Variants in BDH1 observed in about 807,000 individuals in gnomAD.
BDH1 encodes the protein 3-hydroxybutyrate dehydrogenase 1.
Under a neutral mutation model 33.1 loss-of-function variants are expected in BDH1, and 30 were observed. The observed-to-expected ratio is 0.91, with a 90% CI of 0.68 to 1.23. BDH1 has a LOEUF of 1.23. Among genes scored for constraint, BDH1 ranks in the 50% most tolerant of loss-of-function variants. BDH1 has a pLI of 0.00. For missense variants in BDH1, 443 were observed against 464.4 expected (o/e 0.95, Z 0.42); for synonymous variants, 190 against 183.6 (o/e 1.03, Z -0.28).
chr3:197,572,226 T>A (rs1297410453), intron 1 of BDH1, among the ~76,000 whole-genome samples: 4 of 152,096 alleles, frequency 2.6e-5, no homozygotes, highest in Non-Finnish European at 4.4e-5. Flanking sequence ...CTAAAGGAAC[T>A]CCCCAAAACC....
In BDH1 at chr3:197,521,053, G is replaced by A. The variant is rs777827214; in HGVS notation, c.409+1587C>T. Reference sequence around the variant, plus strand: ...CAGCACATCCATCTGGCTGATACAGGCTCAGCAGAGCTCCCCGCATGGGAT... The same window carrying A: ...CAGCACATCCATCTGGCTGATACAGACTCAGCAGAGCTCCCCGCATGGGAT... On this transcript the variant is annotated intron_variant, in intron 6 of 7. Transcript: ENST00000392379. This position sits in a 1 kb window ranked among gnomAD's most constrained non-coding sequence, Gnocchi z 4.9. Among the ~76,000 whole-genome samples the A allele has an allele frequency of 6.6e-6, 1 of 152,102 alleles. No individual in the cohort carries two copies. Among genetic ancestry groups the A allele is most frequent in the Non-Finnish European group, 1.5e-5 (1 of 68,006 alleles).
chr3:197,539,687 A>C (rs961485020), intron 3 of BDH1, among the ~76,000 whole-genome samples: 1 of 152,232 alleles, frequency 6.6e-6, no homozygotes, highest in African/African-American at 2.4e-5. Flanking sequence ...ACCCAGGTGG[A>C]CAAACTGGCT....
At chr3:197,517,447 C>G (rs1712893736) in intron 6 of BDH1, among the ~76,000 whole-genome samples, 1 of 82,762 alleles carries the variant, frequency 1.2e-5, no homozygotes. Context: ...GTCTCCATCC[C>G]CCCTCAGGCC....
At chr3:197,512,672 G>T (rs1425897333) in intron 7 of BDH1, among the ~76,000 whole-genome samples, 1 of 152,238 alleles carries the variant, frequency 6.6e-6, no homozygotes, top group Non-Finnish European at 1.5e-5. Context: ...ATAATTTGGG[G>T]TGAAAACACG....
In BDH1 at chr3:197,521,996, A is replaced by G. The variant is rs1434692678; in HGVS notation, c.409+644T>C. Among the ~76,000 whole-genome samples, 1 of 151,092 alleles carries G rather than the reference A, an allele frequency of 6.6e-6. No individual in the cohort carries two copies. The highest frequency in any genetic ancestry group is 1.5e-5 in the Non-Finnish European group (1 of 67,822). On this transcript the variant is annotated intron_variant, in intron 6 of 7. Coordinates refer to ENST00000392379, the MANE Select transcript of BDH1 (RefSeq NM_203314.3). The surrounding 1 kb of genome is among the most constrained non-coding windows in gnomAD (Gnocchi z 4.9). ...CTGGGATCCAAGACCTCCCTCCCCA[A>G]CCTCCTTTGCTGCCACCCCCTCTGC...
Position 197,514,411 on chromosome 3 carries a change from A to T in BDH1, c.415T>A (p.Trp139Arg), listed in dbSNP as rs994504255. The T allele has an allele frequency of 6.2e-7, 1 of 1,604,692 alleles. No homozygotes were observed. The highest frequency in any genetic ancestry group is 1.3e-5 in the African/African-American group (1 of 74,742). The change falls in exon 7 of 8, where the codon TGG (tryptophan) becomes AGG (arginine). Residue 139 changes from tryptophan to arginine, a missense_variant. Trp to Arg is a moderately radical substitution (Grantham distance 101). Transcript: ENST00000392379. This position sits in a 1 kb window ranked among gnomAD's most constrained non-coding sequence, Gnocchi z 4.2. ...ATGCCGGCATTGTTAACGAGGCCCC[A>T]CATGCCTGGACAGGAGAGGGATAGA... ...SSLKDPEKGMWGLVNNAGIST... is the reference protein window; with the variant it reads ...SSLKDPEKGMRGLVNNAGIST...
intron 2 of BDH1, among the ~76,000 whole-genome samples, chr3:197,547,691 A>G (rs1716198465): frequency 6.6e-6 from 1 of 152,262 alleles, no homozygotes; most frequent in Non-Finnish European, 1.5e-5. Context: ...CCGTGTTTAA[A>G]GCCAACTTTC....
intron 1 of BDH1, among the ~76,000 whole-genome samples, chr3:197,564,768 T>C (rs1023394349): frequency 1.3e-5 from 2 of 152,124 alleles, no homozygotes; most frequent in Non-Finnish European, 2.9e-5. Context: ...ATTAACAAGG[T>C]TTTTATGAAA....
At chr3:197,545,837 G>A (rs1716029987) in intron 3 of BDH1, among the ~76,000 whole-genome samples, 1 of 152,208 alleles carries the variant, frequency 6.6e-6, no homozygotes, top group African/African-American at 2.4e-5. Context: ...AATAAAAAGG[G>A]TTTTAAGAAG....
At chr3:197,529,089 A>G (rs919231871) in intron 5 of BDH1, 1 of 152,146 alleles carries the variant, frequency 6.6e-6, no homozygotes, top group African/African-American at 2.4e-5. Context: ...TGCCACACCC[A>G]TTCCCCAGAA....
At chr3:197,535,863 G>A (rs973449741) in intron 3 of BDH1, among the ~76,000 whole-genome samples, 1 of 151,940 alleles carries the variant, frequency 6.6e-6, no homozygotes, top group Non-Finnish European at 1.5e-5. Flanking sequence ...CGGGCAACAT[G>A]GCGAAACCCC....
chr3:197,559,939 G>A (rs757687329), upstream of BDH1, among the ~76,000 whole-genome samples: 10 of 152,212 alleles, frequency 6.6e-5, no homozygotes, highest in Non-Finnish European at 1.0e-4. Flanking sequence ...TCCCAACACT[G>A]CATGCACCAA....
At chr3:197,515,101 G>A (rs561129789) in intron 6 of BDH1, among the ~76,000 whole-genome samples, 3 of 152,352 alleles carry the variant, frequency 2.0e-5, no homozygotes, top group African/African-American at 7.2e-5. Context: ...TGGGAACTCG[G>A]CGCTGCTTTA....
At chr3:197,565,130 C>T (rs1717393672) in intron 1 of BDH1, among the ~76,000 whole-genome samples, 1 of 152,162 alleles carries the variant, frequency 6.6e-6, no homozygotes, top group African/African-American at 2.4e-5. Context: ...CCATGTTGGT[C>T]AGGCTGGTCT....
chr3:197,568,867 T>G (rs73214008), intron 1 of BDH1, among the ~76,000 whole-genome samples: 157 of 152,326 alleles, frequency 1.0e-3, no homozygotes, highest in Non-Finnish European at 1.7e-3. Context: ...ATCTCACTGA[T>G]TGTGCTATAT....
Position 197,516,710 on chromosome 3 carries a change from C to T in BDH1, c.410-2294G>A, listed in dbSNP as rs1176532318. Among the ~76,000 whole-genome samples the T allele has an allele frequency of 6.6e-6, 1 of 152,084 alleles. No individual in the cohort carries two copies. The highest frequency in any genetic ancestry group is 2.4e-5 in the African/African-American group (1 of 41,392). On this transcript the variant is annotated intron_variant, in intron 6 of 7. Coordinates refer to ENST00000392379, the MANE Select transcript of BDH1 (RefSeq NM_203314.3). This position sits in a 1 kb window ranked among gnomAD's most constrained non-coding sequence, Gnocchi z 4.2. ...AGTTTCCAAGCTGCCCAAGCCTGCTCCTCCTCTTTGTTAATGATTTTACTT... is the reference window on the plus strand; with the variant it reads ...AGTTTCCAAGCTGCCCAAGCCTGCTTCTCCTCTTTGTTAATGATTTTACTT...
chr3:197,527,703 G>C (rs1380584106), intron 5 of BDH1, among the ~76,000 whole-genome samples: 1 of 151,838 alleles, frequency 6.6e-6, no homozygotes, highest in Non-Finnish European at 1.5e-5. Context: ...CTCCCTCCTG[G>C]AGCTCTGTAC....
At chr3:197,544,736 A>T (rs1715934272) in intron 3 of BDH1, among the ~76,000 whole-genome samples, 1 of 152,198 alleles carries the variant, frequency 6.6e-6, no homozygotes, top group African/African-American at 2.4e-5. Context: ...ATGCCTCTGT[A>T]TCTCTCAGAA....
At chr3:197,549,264 A>AT (rs1183373503) in intron 2 of BDH1, among the ~76,000 whole-genome samples, 1 of 152,146 alleles carries the variant, frequency 6.6e-6, no homozygotes, top group Admixed American at 6.5e-5. Flanking sequence ...TCTTGGAGAC[A>AT]TTTTTTAATG....
Sources: gnomAD v4.1 joint callset for allele counts (sites outside exome capture counted in the v4.1 genomes callset) on GRCh38, gnomAD v4.1.1 for gene constraint, Gnocchi (gnomAD v3.1) non-coding constraint, MANE v1.5 for transcripts, NCBI Gene and HGNC (gene_info 2026-07-23, HGNC 2026-07-21) for gene names.